LRRTM4: variants seen among roughly 807,000 people sequenced by gnomAD.
LRRTM4 encodes the protein leucine-rich repeat transmembrane neuronal protein 4.
A neutral mutation model predicts 47.6 loss-of-function variants in LRRTM4; 25 were observed. That is an observed-to-expected ratio of 0.53 (90% CI 0.38 to 0.73). The LOEUF (loss-of-function observed/expected upper bound fraction) is 0.73. Ranked by LOEUF, LRRTM4 falls within the 30% of genes least tolerant of loss-of-function variation. LRRTM4 has a pLI of 0.00. For missense variants in LRRTM4, 638 were observed against 713.4 expected (o/e 0.89, Z 1.20); for synonymous variants, 311 against 269.5 (o/e 1.15, Z -1.51).
chr2:77,504,335 T>C (rs1678687032), intron 3 of LRRTM4, among the ~76,000 whole-genome samples: 1 of 151,552 alleles, frequency 6.6e-6, no homozygotes, highest in Non-Finnish European at 1.5e-5. Context: ...GTCTAAAATA[T>C]TGACTGTCTT....
Position 77,264,460 on chromosome 2 carries a change from T to C in LRRTM4, c.1551+253858A>G, listed in dbSNP as rs557218979. 3.3e-5 allele frequency among the ~76,000 whole-genome samples: 5 copies of C among 152,198 alleles called. No individual in the cohort carries two copies. The East Asian group carries it at 9.7e-4, about 29-fold the overall frequency. ...TTAACCTCAGTGACTTCTTTAGAGA[T>C]CCTATGTCTAACTACAGCCATACTG... is the stretch of plus-strand genomic sequence containing the variant. On this transcript the variant is annotated intron_variant, in intron 3 of 3. Transcript: ENST00000409884.
At chr2:77,031,175 ATTTAT>A (rs1348898131) in intron 3 of LRRTM4, among the ~76,000 whole-genome samples, 27 of 152,244 alleles carry the variant, frequency 1.8e-4, no homozygotes, top group African/African-American at 2.4e-4. Context: ...TACATTTGCC[ATTTAT>A]TTTAACTATT....
At chr2:77,245,392 A>C (rs1274353107) in intron 3 of LRRTM4, among the ~76,000 whole-genome samples, 4 of 151,864 alleles carry the variant, frequency 2.6e-5, no homozygotes, top group South Asian at 2.1e-4. Flanking sequence ...ACAAAAAATA[A>C]AAAACAAAAC....
At position 77,393,357 on chromosome 2, in the gene LRRTM4, T is replaced by A. The variant is rs1047685321; in HGVS notation, c.1551+124961A>T. ...GTCCTATTCGACAACTGTTATAAAG[T>A]GCTAAAATTGGAACACTATGGGAAA... On this transcript the variant is annotated intron_variant, in intron 3 of 3. Transcript: ENST00000409884. 2.6e-5 allele frequency among the ~76,000 whole-genome samples: 4 copies of A among 152,036 alleles called. No homozygotes were observed. The South Asian group carries it at 6.2e-4, about 24-fold the overall frequency.
chr2:77,490,342 G>A (rs757596947), intron 3 of LRRTM4, among the ~76,000 whole-genome samples: 58 of 151,924 alleles, frequency 3.8e-4, no homozygotes, highest in Non-Finnish European at 7.1e-4. Flanking sequence ...AAAGAAAAGT[G>A]TTATAAAAGA....
chr2:77,497,356 TG>T (rs1422417958), intron 3 of LRRTM4, among the ~76,000 whole-genome samples: 4 of 142,320 alleles, frequency 2.8e-5, no homozygotes, highest in African/African-American at 9.8e-5. Context: ...TGATTTGCTC[TG>T]TTTTTTTTTA....
chr2:77,266,121 G>A (rs771249751), intron 3 of LRRTM4, among the ~76,000 whole-genome samples: 1 of 152,134 alleles, frequency 6.6e-6, no homozygotes, highest in Non-Finnish European at 1.5e-5. Flanking sequence ...TAATAGCAGA[G>A]TTGAGTAGTT....
At chr2:77,247,138 T>C (rs1675469608) in intron 3 of LRRTM4, among the ~76,000 whole-genome samples, 1 of 152,122 alleles carries the variant, frequency 6.6e-6, no homozygotes, top group Non-Finnish European at 1.5e-5. Flanking sequence ...TAACATTTTG[T>C]TTAACAGAAG....
At chr2:76,948,127 C>T (rs184212619) in intron 3 of LRRTM4, among the ~76,000 whole-genome samples, 22 of 151,766 alleles carry the variant, frequency 1.4e-4, no homozygotes, top group East Asian at 1.4e-3. Flanking sequence ...ACGGCAACAG[C>T]AAGTAATCCA....
At chr2:76,825,487 T>C (rs963011877) in intron 3 of LRRTM4, among the ~76,000 whole-genome samples, 3 of 151,612 alleles carry the variant, frequency 2.0e-5, no homozygotes, top group Non-Finnish European at 4.4e-5. Context: ...ATTGTGGGGA[T>C]GGAGTTGTCA....
intron 3 of LRRTM4, among the ~76,000 whole-genome samples, chr2:77,362,373 A>G (rs565198265): frequency 2.0e-5 from 3 of 152,228 alleles, no homozygotes; most frequent in Non-Finnish European, 4.4e-5. Flanking sequence ...CATAGTTCTA[A>G]GTATATAGAA....
chr2:77,207,372 T>TATATATATATATATATATATAC (rs59335400), intron 3 of LRRTM4, among the ~76,000 whole-genome samples: 7 of 131,102 alleles, frequency 5.3e-5, no homozygotes, highest in African/African-American at 1.9e-4. Context: ...TATATATATA[T>TATATATATATATATATATATAC]ACACACACAC....
chr2:76,850,724 T>C (rs969627719), intron 3 of LRRTM4, among the ~76,000 whole-genome samples: 2 of 152,184 alleles, frequency 1.3e-5, no homozygotes, highest in African/African-American at 4.8e-5. Flanking sequence ...TGTGTGTGTA[T>C]TCACACATGT....
rs77113194 is a variant in LRRTM4 at position 77,270,389 on chromosome 2, G to A, written c.1551+247929C>T. On this transcript the variant is annotated intron_variant, in intron 3 of 3. Coordinates refer to ENST00000409884, the MANE Select transcript of LRRTM4 (RefSeq NM_001134745.3). The stretch of plus-strand genomic sequence containing the variant: ...TATTGGGATCTCTCTATGATGACTC[G>A]TGTGAAAATAAGGTTACCCTTGCTT... Among the ~76,000 whole-genome samples, 342 of 152,176 alleles carry A rather than the reference G, an allele frequency of 2.2e-3. 5 individuals carry two copies. The highest frequency in any genetic ancestry group is 6.5e-3 in the African/African-American group (268 of 41,502).
rs143701962 is a variant in LRRTM4, at chr2:76,965,550, A to T, written c.1552-216634T>A. On this transcript the variant is annotated intron_variant, in intron 3 of 3. Transcript: ENST00000409884. Reference sequence around the variant, plus strand: ...ACAAAAACTATTTTATTGTTTTGGGACCTAAAGTAAATACATACTTGCATA... The same window carrying T: ...ACAAAAACTATTTTATTGTTTTGGGTCCTAAAGTAAATACATACTTGCATA... Among the ~76,000 whole-genome samples, 406 of 151,420 alleles carry T rather than the reference A, an allele frequency of 2.7e-3. 2 individuals are homozygous for T. The highest frequency in any genetic ancestry group is 0.014 in the Middle Eastern group (4 of 294).
intron 3 of LRRTM4, among the ~76,000 whole-genome samples, chr2:77,344,819 T>C (rs1671503252): frequency 6.6e-6 from 1 of 151,718 alleles, no homozygotes; most frequent in African/African-American, 2.4e-5. Flanking sequence ...TCAGTCTCTC[T>C]GCGACCCACA....
At chr2:76,811,821 C>T (rs1295861504) in intron 3 of LRRTM4, among the ~76,000 whole-genome samples, 1 of 152,024 alleles carries the variant, frequency 6.6e-6, no homozygotes, top group Non-Finnish European at 1.5e-5. Flanking sequence ...TTCTCAAGAG[C>T]CGAAAGCAAG....
intron 3 of LRRTM4, among the ~76,000 whole-genome samples, chr2:77,029,127 C>T (rs925784308): frequency 6.7e-6 from 1 of 148,658 alleles, no homozygotes; most frequent in Non-Finnish European, 1.5e-5. Context: ...CCTTTGCAGA[C>T]AGTAGAATCT....
At chr2:76,880,758 G>A (rs1236163373) in intron 3 of LRRTM4, among the ~76,000 whole-genome samples, 1 of 152,086 alleles carries the variant, frequency 6.6e-6, no homozygotes, top group African/African-American at 2.4e-5. Context: ...GTAATTAAAC[G>A]AACTTTTCAG....
Sources: allele counts gnomAD v4.1 joint callset (sites outside exome capture counted in the v4.1 genomes callset), GRCh38; gene constraint gnomAD v4.1.1; transcripts MANE v1.5; gene names NCBI Gene and HGNC (gene_info 2026-07-23, HGNC 2026-07-21).